The following VEGFD variants were observed in gnomAD, a reference collection of about 807,000 sequenced individuals.
The protein encoded by VEGFD is c-fos induced growth factor (vascular endothelial growth factor D).
A neutral mutation model predicts 28.0 loss-of-function variants in VEGFD; 26 were observed. That is an observed-to-expected ratio of 0.93 (90% CI 0.68 to 1.29). The LOEUF (loss-of-function observed/expected upper bound fraction) is 1.29. Ranked by LOEUF, VEGFD falls within the 50% of genes most tolerant of loss-of-function variation. VEGFD has a pLI of 0.00. For missense variants in VEGFD, 294 were observed against 273.4 expected (o/e 1.08, Z -0.53); for synonymous variants, 93 against 95.5 (o/e 0.97, Z 0.15).
intron 1 of VEGFD, among the ~76,000 whole-genome samples, chrX:15,382,148 G>A (rs1001087791): frequency 9.1e-6 from 1 of 110,457 alleles, no homozygotes; most frequent in Non-Finnish European, 1.9e-5. Context: ...GTGAAACCCT[G>A]TCTCTACTAA....
chrX:15,368,160 A>C (rs1923226311), intron 1 of VEGFD, among the ~76,000 whole-genome samples: 1 of 110,123 alleles, frequency 9.1e-6, no homozygotes, highest in African/African-American at 3.3e-5. Flanking sequence ...AAGAGAAAGA[A>C]AGAAAGAAAA....
chrX:15,357,004 G>A (rs1464437426), intron 3 of VEGFD, among the ~76,000 whole-genome samples: 1 of 111,792 alleles, frequency 8.9e-6, no homozygotes, highest in African/African-American at 3.3e-5. Context: ...AAACCATATA[G>A]GCAAACTGAC....
At chrX:15,346,470 A>C (rs1922551138) in intron 6 of VEGFD, among the ~76,000 whole-genome samples, 1 of 111,965 alleles carries the variant, frequency 8.9e-6, no homozygotes, top group Non-Finnish European at 1.9e-5. Context: ...TGCTATATAA[A>C]TCCAATGATA....
intron 2 of VEGFD, among the ~76,000 whole-genome samples, chrX:15,361,828 TTTTC>T (rs200457322): frequency 0.018 from 1,970 of 110,681 alleles, 39 homozygotes; most frequent in African/African-American, 0.061. Context: ...CTCACACTGG[TTTTC>T]TTTCTTTCTT....
At chrX:15,357,871 T>G (rs1342532286) in intron 3 of VEGFD, 132 bp downstream of exon 3, 2 of 565,648 alleles carry the variant, frequency 3.5e-6, no homozygotes, top group Non-Finnish European at 5.5e-6. Flanking sequence ...ACCCTCTTGA[T>G]TTGTTTCAAA....
At chrX:15,348,543 T>G (rs1278824590) in intron 5 of VEGFD, among the ~76,000 whole-genome samples, 1 of 112,508 alleles carries the variant, frequency 8.9e-6, no homozygotes, top group Non-Finnish European at 1.9e-5. Context: ...TGTTTCTTGC[T>G]TTCATATATC....
chrX:15,380,598 C>T (rs948411944), intron 1 of VEGFD, among the ~76,000 whole-genome samples: 4 of 112,886 alleles, frequency 3.5e-5, no homozygotes, highest in Non-Finnish European at 7.5e-5. Flanking sequence ...TCCTTTGTTG[C>T]AATAGTGACA....
chrX:15,361,404 T>C (rs1406536821), intron 2 of VEGFD, among the ~76,000 whole-genome samples: 2 of 111,640 alleles, frequency 1.8e-5, no homozygotes, highest in Non-Finnish European at 3.8e-5. Flanking sequence ...CTCGAGGCTA[T>C]GGTTCCTACC....
intron 1 of VEGFD, among the ~76,000 whole-genome samples, chrX:15,375,028 G>A (rs1014360802): frequency 2.1e-4 from 23 of 110,118 alleles, no homozygotes; most frequent in Admixed American, 1.3e-3. Flanking sequence ...CCACACTTAG[G>A]TGTGTCCTAT....
chrX:15,381,222 C>T lies in VEGFD; in HGVS notation c.90+2635G>A, dbSNP rs551525240. ...ACACCCAAATGGCATTAAGCACAAT[C>T]GTCCAGAGCACTAGTAGCTATTTCA... On this transcript the variant is annotated intron_variant, in intron 1 of 6. Coordinates refer to ENST00000297904, the MANE Select transcript of VEGFD (RefSeq NM_004469.5). 1.1e-3 allele frequency among the ~76,000 whole-genome samples: 124 copies of T among 111,204 alleles called. No individual in the cohort carries two copies. The Middle Eastern group carries it at 0.014, about 12-fold the overall frequency.
chrX:15,381,583 T>C (rs1395817915), intron 1 of VEGFD, among the ~76,000 whole-genome samples: 2 of 110,448 alleles, frequency 1.8e-5, no homozygotes, highest in Non-Finnish European at 3.8e-5. Context: ...ATTACCACCA[T>C]GAATATGTTT....
rs767639380 is a variant in VEGFD at position 15,358,038 on chromosome X, A to G, written c.457T>C (p.Cys153Arg). ...ATGTACGAGGTGCTGGTGTTCATAC[A>G]GATAAGGCTCTCTTCATTGCAACAG... Reference protein sequence around the residue: ...GGCCNEESLICMNTSTSYISK... With the variant: ...GGCCNEESLIRMNTSTSYISK... Residue 153 changes from cysteine to arginine, a missense_variant, in exon 3 of 7, where the codon TGT becomes CGT. By Grantham distance (180) the Cys-to-Arg change is radical (BLOSUM62 -3). Transcript: ENST00000297904. 1 of 1,211,593 alleles carries G rather than the reference A, an allele frequency of 8.3e-7. No homozygotes were observed. The highest frequency in any genetic ancestry group is 3.0e-5 in the East Asian group (1 of 33,867).
rs540313495 is a variant in VEGFD, at chrX:15,363,155, C to A, written c.255G>T (p.Arg85=). The change falls in exon 2 of 7, where the codon CGG becomes CGT. Residue 85 remains arginine, a synonymous_variant. Coordinates refer to ENST00000297904, the MANE Select transcript of VEGFD (RefSeq NM_004469.5). ...AGAAAGTTGCCGCAAACCTAGTGGA[C>A]CGATGGGATGCTGAGCGAGAGTCCA... ...TSMDSRSASH[R]STRFAATFYD... is the part of the protein sequence containing the mutation. 72 of 1,209,359 alleles carry A rather than the reference C, an allele frequency of 6.0e-5. 1 individual carries two copies. The South Asian group carries it at 1.1e-3, about 18-fold the overall frequency.
At chrX:15,346,928 T>TA (rs1209413020) in intron 6 of VEGFD, among the ~76,000 whole-genome samples, 73 of 96,817 alleles carry the variant, frequency 7.5e-4, no homozygotes, top group East Asian at 9.3e-4. Context: ...AGACTCCGTC[T>TA]AAAAAAAAAA....
Position 15,347,100 on chromosome X carries a change from C to A in VEGFD, c.938+64G>T, listed in dbSNP as rs957327054. 1.2e-5 allele frequency: 13 copies of A among 1,053,190 alleles called. No homozygotes were observed. The Admixed American group carries it at 3.5e-4, about 29-fold the overall frequency. The allele number at this position is 1,053,190 out of a possible 1,213,427, so 86.8% of individuals were successfully genotyped here. A position where few individuals can be genotyped will look rare whatever the true frequency, so the allele number is the denominator to read the frequency against. On this transcript the variant is annotated intron_variant, in intron 6 of 6. Coordinates refer to ENST00000297904, the MANE Select transcript of VEGFD (RefSeq NM_004469.5). ...AAAATTAGCTTACTAAGGAATCCCA[C>A]CAAATTAAAATGGCATCTACGTTAA...
intron 5 of VEGFD, 37 bp from the exon 6 acceptor site, chrX:15,347,396 T>C: frequency 9.2e-7 from 1 of 1,083,338 alleles, no homozygotes; most frequent in Non-Finnish European, 1.2e-6. Context: ...CAGATAGTTG[T>C]AGTGTGGCAA....
chrX:15,364,225 A>AT (rs1028848893), intron 1 of VEGFD, among the ~76,000 whole-genome samples: 15 of 111,726 alleles, frequency 1.3e-4, no homozygotes, highest in African/African-American at 4.2e-4. Context: ...CAAAAACATG[A>AT]TTTTTTTCTG....
At chrX:15,359,234 A>G (rs2147740627) in intron 2 of VEGFD, among the ~76,000 whole-genome samples, 1 of 109,812 alleles carries the variant, frequency 9.1e-6, no homozygotes, top group Non-Finnish European at 1.9e-5. Flanking sequence ...ATGGGATACC[A>G]CTTCCATGAT....
intron 3 of VEGFD, among the ~76,000 whole-genome samples, chrX:15,356,342 G>A (rs1187691946): frequency 1.8e-5 from 2 of 111,811 alleles, no homozygotes; most frequent in African/African-American, 6.5e-5. Context: ...TTTCTAAGAG[G>A]TGGTTTGCCA....
Sources: allele counts gnomAD v4.1 joint callset (sites outside exome capture counted in the v4.1 genomes callset), GRCh38; gene constraint gnomAD v4.1.1; transcripts MANE v1.5; gene names NCBI Gene and HGNC (gene_info 2026-07-23, HGNC 2026-07-21).